The following PXDNL variants were observed in gnomAD, a reference collection of about 807,000 sequenced individuals.
PXDNL encodes probable oxidoreductase PXDNL.
Under a neutral mutation model 150.8 loss-of-function variants are expected in PXDNL, and 145 were observed. The observed-to-expected ratio is 0.96, with a 90% CI of 0.84 to 1.10. The LOEUF (loss-of-function observed/expected upper bound fraction) is 1.10, where lower values mean the gene tolerates loss of function less well. Ranked by LOEUF, PXDNL falls within the 50% of genes least tolerant of loss-of-function variation. The pLI, the probability that PXDNL is intolerant of heterozygous loss-of-function variation, is 0.00. For synonymous variants in PXDNL, 757 were observed against 725.7 expected, an observed-to-expected ratio of 1.04 and a Z score of -0.69; for missense variants, 2,087 against 1,873.9, an observed-to-expected ratio of 1.11 and a Z score of -2.10.
chr8:51,640,758 T>C (rs1814730113), intron 2 of PXDNL, among the ~76,000 whole-genome samples: 1 of 152,036 alleles, frequency 6.6e-6, no homozygotes, highest in African/African-American at 2.4e-5. Context: ...AGAATCAATA[T>C]TGTGACAATG....
In PXDNL at chr8:51,608,203, C is replaced by A. The variant is rs1310010030; in HGVS notation, c.237-15505G>T. Reference sequence around the variant, plus strand: ...AGGAGATCAAGACCATCCTGGCTAACATGGTGAAACCCCGTCTCTACTAAA... The same window carrying A: ...AGGAGATCAAGACCATCCTGGCTAAAATGGTGAAACCCCGTCTCTACTAAA... On this transcript the variant is annotated intron_variant, in intron 2 of 22. Transcript: ENST00000356297. Among the ~76,000 whole-genome samples the A allele has an allele frequency of 2.7e-5, 4 of 147,424 alleles. 2 individuals carry two copies. Among genetic ancestry groups the A allele is most frequent in the African/African-American group, 1.0e-4 (4 of 38,200 alleles).
At chr8:51,586,210 G>A (rs1813318380) in intron 3 of PXDNL, among the ~76,000 whole-genome samples, 1 of 152,178 alleles carries the variant, frequency 6.6e-6, no homozygotes, top group Non-Finnish European at 1.5e-5. Flanking sequence ...CCCTGACTAT[G>A]CTAGGGATAA....
intron 1 of PXDNL, among the ~76,000 whole-genome samples, chr8:51,801,298 TTC>T (rs1353083116): frequency 1.3e-5 from 2 of 151,430 alleles, no homozygotes; most frequent in African/African-American, 2.4e-5. Flanking sequence ...GTCAGACCAG[TTC>T]TCTGTTCTCG....
chr8:51,457,654 A>G lies in PXDNL; in HGVS notation c.826T>C (p.Leu276=). Reference sequence around the variant, plus strand: ...ACATTAAGTCGAGTATCATCTTCCAAATCCAATGAGTGGCTGGAAATATAG... The same window carrying G: ...ACATTAAGTCGAGTATCATCTTCCAGATCCAATGAGTGGCTGGAAATATAG... ...IWIHNNHSLD[L]EDDTRLNVFD... Residue 276 remains leucine, a synonymous_variant, in exon 9 of 23, where the codon TTG becomes CTG. Transcript: ENST00000356297. The G allele has an allele frequency of 6.2e-7, 1 of 1,612,850 alleles. No homozygotes were observed. The highest frequency in any genetic ancestry group is 8.5e-7 in the Non-Finnish European group (1 of 1,179,332).
chr8:51,502,419 A>T (rs1811206315), intron 4 of PXDNL, among the ~76,000 whole-genome samples: 1 of 152,126 alleles, frequency 6.6e-6, no homozygotes, highest in Admixed American at 6.5e-5. Flanking sequence ...TCAATGGTAA[A>T]TCCAAGCCAC....
chr8:51,376,635 A>T (rs7006015), intron 17 of PXDNL, among the ~76,000 whole-genome samples: 7,184 of 151,692 alleles, frequency 0.047, 529 homozygotes, highest in African/African-American at 0.16. Flanking sequence ...TTCTTTCACT[A>T]CAGGGAAGTG....
At chr8:51,450,894 C>T (rs1162615429) in intron 10 of PXDNL, among the ~76,000 whole-genome samples, 1 of 152,060 alleles carries the variant, frequency 6.6e-6, no homozygotes, top group Non-Finnish European at 1.5e-5. Context: ...CGCTCAACCC[C>T]CAGCCTGATG....
chr8:51,566,232 T>C (rs1409292807), intron 3 of PXDNL, among the ~76,000 whole-genome samples: 6 of 151,888 alleles, frequency 4.0e-5, no homozygotes, highest in Non-Finnish European at 7.4e-5. Flanking sequence ...ATGAGAGATA[T>C]TGGTCTGTGG....
intron 1 of PXDNL, among the ~76,000 whole-genome samples, chr8:51,656,892 C>T (rs941814150): frequency 1.3e-5 from 2 of 152,176 alleles, no homozygotes; most frequent in East Asian, 1.9e-4. Context: ...GATGTAACCA[C>T]TCATGTATTT....
intron 2 of PXDNL, among the ~76,000 whole-genome samples, chr8:51,625,377 T>C (rs564967105): frequency 6.6e-6 from 1 of 152,320 alleles, no homozygotes; most frequent in Admixed American, 6.5e-5. Context: ...ATCAAATATT[T>C]ATAAAGGCAA....
At chr8:51,641,780 T>C (rs1417454821) in intron 2 of PXDNL, among the ~76,000 whole-genome samples, 1 of 152,090 alleles carries the variant, frequency 6.6e-6, no homozygotes, top group Non-Finnish European at 1.5e-5. Context: ...AGTGCAACCA[T>C]TGTGGAAGTC....
intron 1 of PXDNL, among the ~76,000 whole-genome samples, chr8:51,749,332 C>T (rs2037017921): frequency 6.6e-6 from 1 of 152,146 alleles, no homozygotes; most frequent in Admixed American, 6.5e-5. Context: ...ATGTTGTGCA[C>T]ACATCATAGA....
chr8:51,413,299 C>G, intron 14 of PXDNL, 41 bp from the exon 15 acceptor site: 1 of 1,264,406 alleles, frequency 7.9e-7, no homozygotes, highest in Non-Finnish European at 1.1e-6. Context: ...TCAAACAGAC[C>G]TTGAAGTTAG....
chr8:51,512,236 T>C (rs1357014442), intron 4 of PXDNL, among the ~76,000 whole-genome samples: 2 of 152,110 alleles, frequency 1.3e-5, no homozygotes, highest in African/African-American at 2.4e-5. Flanking sequence ...GCAACAAAGT[T>C]AGATCCAGGG....
intron 1 of PXDNL, among the ~76,000 whole-genome samples, chr8:51,713,071 A>C (rs1343505402): frequency 2.6e-5 from 4 of 152,244 alleles, no homozygotes; most frequent in Admixed American, 2.6e-4. Context: ...AATTCTGCTA[A>C]ACTAGTATTT....
chr8:51,711,262 C>CAA (rs1816491410), intron 1 of PXDNL, among the ~76,000 whole-genome samples: 1 of 152,156 alleles, frequency 6.6e-6, no homozygotes. Context: ...CTCAACCTCT[C>CAA]AAGTAGCTGG....
chr8:51,325,984 G>A (rs1442059516), intron 21 of PXDNL, among the ~76,000 whole-genome samples: 1 of 152,128 alleles, frequency 6.6e-6, no homozygotes, highest in Non-Finnish European at 1.5e-5. Flanking sequence ...AGGGACTCAG[G>A]TTTTGTTGGG....
chr8:51,531,168 C>T (rs1811893572), intron 4 of PXDNL, among the ~76,000 whole-genome samples: 1 of 152,270 alleles, frequency 6.6e-6, no homozygotes, highest in African/African-American at 2.4e-5. Flanking sequence ...CAACAAATGC[C>T]CCCAAAAGTG....
chr8:51,583,067 A>G (rs73588785), intron 3 of PXDNL, among the ~76,000 whole-genome samples: 7,772 of 152,286 alleles, frequency 0.051, 462 homozygotes, highest in African/African-American at 0.15. Flanking sequence ...TATTTTTCTC[A>G]CAGGGAACCA....
Sources: allele counts gnomAD v4.1 joint callset (sites outside exome capture counted in the v4.1 genomes callset), GRCh38; gene constraint gnomAD v4.1.1; transcripts MANE v1.5; gene names NCBI Gene and HGNC (gene_info 2026-07-23, HGNC 2026-07-21).